The following NTM variants were observed in gnomAD, a reference collection of about 807,000 sequenced individuals.
NTM encodes the protein neurotrimin, also known as IgLON family member 2.
Under a neutral mutation model 42.1 loss-of-function variants are expected in NTM, and 13 were observed. The observed-to-expected ratio is 0.31, with a 90% CI of 0.20 to 0.49. The LOEUF (loss-of-function observed/expected upper bound fraction) is 0.49. Ranked by LOEUF, NTM falls within the 20% of genes least tolerant of loss-of-function variation. The probability of loss-of-function intolerance (pLI) is 0.99; values close to 1 mark genes in which losing one functional copy is unlikely to be tolerated. For synonymous variants in NTM, 187 were observed against 179.2 expected (o/e 1.04, Z -0.35); for missense variants, 373 against 452.8 (o/e 0.82, Z 1.60).
At chr11:132,011,987 T>TA (rs2072308040) in intron 2 of NTM, among the ~76,000 whole-genome samples, 1 of 152,222 alleles carries the variant, frequency 6.6e-6, no homozygotes, top group African/African-American at 2.4e-5. Flanking sequence ...TTAATGTAAT[T>TA]AATTGTTTTC....
intron 1 of NTM, among the ~76,000 whole-genome samples, chr11:131,407,563 G>A (rs1341799175): frequency 6.6e-6 from 1 of 152,326 alleles, no homozygotes; most frequent in East Asian, 1.9e-4. Context: ...TGAAGAAAGG[G>A]AAGAGCCACA....
rs533373802 is a variant in NTM at position 131,794,110 on chromosome 11, G to A, written c.83-117454G>A. Among the ~76,000 whole-genome samples the A allele has an allele frequency of 4.6e-5, 7 of 152,308 alleles. 1 individual carries two copies. Among genetic ancestry groups the A allele is most frequent in the African/African-American group, 9.6e-5 (4 of 41,574 alleles). On this transcript the variant is annotated intron_variant, in intron 1 of 8. Coordinates refer to ENST00000683400, the MANE Select transcript of NTM (RefSeq NM_001352005.2). Reference sequence around the variant, plus strand: ...TTCTCCAGGCAGGGACATGCTGCTTGTCAGAAGGGAATGAAGGGGGCTTGG... The same window carrying A: ...TTCTCCAGGCAGGGACATGCTGCTTATCAGAAGGGAATGAAGGGGGCTTGG...
chr11:131,835,297 G>T (rs962442663), intron 1 of NTM, among the ~76,000 whole-genome samples: 2 of 152,102 alleles, frequency 1.3e-5, no homozygotes, highest in African/African-American at 4.8e-5. Context: ...CATCGAGAAT[G>T]TTGCTGGGAT....
At chr11:132,123,758 C>T (rs891033456) in intron 2 of NTM, among the ~76,000 whole-genome samples, 6 of 152,170 alleles carry the variant, frequency 3.9e-5, no homozygotes, top group African/African-American at 1.4e-4. Context: ...GCAAACAGGA[C>T]CAGCCCAGGA....
intron 2 of NTM, among the ~76,000 whole-genome samples, chr11:132,017,725 A>G (rs936201481): frequency 1.9e-4 from 29 of 152,016 alleles, no homozygotes; most frequent in African/African-American, 6.8e-4. Context: ...TTTAGTTTAT[A>G]GATCAATTTG....
chr11:132,217,370 G>A (rs1366382217), intron 4 of NTM, among the ~76,000 whole-genome samples: 3 of 151,148 alleles, frequency 2.0e-5, no homozygotes, highest in Non-Finnish European at 4.4e-5. Flanking sequence ...GTGTGTGTGT[G>A]TGTGTGTGTG....
intron 4 of NTM, among the ~76,000 whole-genome samples, chr11:132,231,153 T>TATA (rs2139036971): frequency 6.6e-6 from 1 of 152,364 alleles, no homozygotes; most frequent in South Asian, 2.1e-4. Context: ...ACATACTGTT[T>TATA]ATAGCACAGA....
chr11:131,851,976 C>T (rs1032304155), intron 1 of NTM, among the ~76,000 whole-genome samples: 20 of 152,136 alleles, frequency 1.3e-4, no homozygotes, highest in African/African-American at 4.3e-4. Flanking sequence ...GCCTGGAACC[C>T]GGGTCTGGGG....
chr11:132,209,547 T>C (rs1160089464), intron 3 of NTM, among the ~76,000 whole-genome samples: 1 of 152,240 alleles, frequency 6.6e-6, no homozygotes, highest in Non-Finnish European at 1.5e-5. Flanking sequence ...ACTAAAAAGT[T>C]AAATGAGGAT....
intron 1 of NTM, among the ~76,000 whole-genome samples, chr11:131,803,110 T>C (rs752978094): frequency 4.5e-4 from 68 of 151,960 alleles, no homozygotes; most frequent in Non-Finnish European, 6.6e-4. Context: ...AATGAGATTT[T>C]CCCCCTATGG....
At chr11:132,321,056 T>C (rs1272205144) in intron 7 of NTM, among the ~76,000 whole-genome samples, 5 of 151,212 alleles carry the variant, frequency 3.3e-5, no homozygotes, top group South Asian at 2.1e-4. Flanking sequence ...CAAAAGTAGA[T>C]AAAACCACAA....
chr11:132,112,461 C>T (rs1053171327), intron 2 of NTM, among the ~76,000 whole-genome samples: 1 of 152,094 alleles, frequency 6.6e-6, no homozygotes, highest in African/African-American at 2.4e-5. Context: ...TTGTGTTTCT[C>T]TGATTTGATA....
At chr11:132,193,997 C>T (rs1267972225) in intron 3 of NTM, among the ~76,000 whole-genome samples, 2 of 151,998 alleles carry the variant, frequency 1.3e-5, no homozygotes, top group East Asian at 1.9e-4. Context: ...CAAACAAAGA[C>T]CAGGACCAGA....
At chr11:132,286,925 T>A (rs2094261875) in intron 4 of NTM, among the ~76,000 whole-genome samples, 1 of 152,386 alleles carries the variant, frequency 6.6e-6, no homozygotes, top group South Asian at 2.1e-4. Context: ...TCTTTGAAGA[T>A]GCTTTTCTTC....
chr11:132,158,787 C>T (rs946272318), intron 3 of NTM, among the ~76,000 whole-genome samples: 1 of 152,172 alleles, frequency 6.6e-6, no homozygotes, highest in Non-Finnish European at 1.5e-5. Flanking sequence ...AGGTGACATT[C>T]AGCTGAGTTT....
intron 1 of NTM, among the ~76,000 whole-genome samples, chr11:131,594,085 T>C (rs1292755515): frequency 6.6e-6 from 1 of 152,204 alleles, no homozygotes; most frequent in Non-Finnish European, 1.5e-5. Flanking sequence ...TCTAAATGCA[T>C]AAGGATGGTT....
chr11:132,075,137 C>A (rs970084739), intron 2 of NTM, among the ~76,000 whole-genome samples: 2 of 152,034 alleles, frequency 1.3e-5, no homozygotes, highest in Admixed American at 1.3e-4. Flanking sequence ...CTAAAATAAG[C>A]AAATTCATAG....
At chr11:131,645,426 G>C (rs1231638168) in intron 1 of NTM, among the ~76,000 whole-genome samples, 1 of 152,168 alleles carries the variant, frequency 6.6e-6, no homozygotes, top group Non-Finnish European at 1.5e-5. Context: ...GCTGGGGAAA[G>C]GAGTGAAAGG....
At chr11:131,758,883 T>A (rs558778701) in intron 1 of NTM, among the ~76,000 whole-genome samples, 3 of 152,082 alleles carry the variant, frequency 2.0e-5, no homozygotes, top group African/African-American at 4.8e-5. Flanking sequence ...TGACCCACCG[T>A]GTCCAGCCGT....
Sources: allele counts gnomAD v4.1 joint callset (sites outside exome capture counted in the v4.1 genomes callset), GRCh38; gene constraint gnomAD v4.1.1; transcripts MANE v1.5; gene names NCBI Gene and HGNC (gene_info 2026-07-23, HGNC 2026-07-21).